MYZAP: variants seen among roughly 807,000 people sequenced by gnomAD.
The protein encoded by MYZAP is GRINL1A complex locus upstream.
A neutral mutation model predicts 69.4 loss-of-function variants in MYZAP; 66 were observed. That is an observed-to-expected ratio of 0.95 (90% CI 0.78 to 1.17). MYZAP has a LOEUF of 1.17. Among genes scored for constraint, MYZAP ranks in the 50% most tolerant of loss-of-function variants. The probability of loss-of-function intolerance (pLI) is 0.00; values close to 1 mark genes in which losing one functional copy is unlikely to be tolerated. For missense variants in MYZAP, 611 were observed against 556.2 expected (o/e 1.10, Z -0.99); for synonymous variants, 256 against 205.9 (o/e 1.24, Z -2.09).
At chr15:57,647,059 G>T in intron 10 of MYZAP, 1 of 985,350 alleles carries the variant, frequency 1.0e-6, no homozygotes, top group African/African-American at 1.7e-5. Context: ...GAGTGAGTGC[G>T]TTCAGAGGCC....
chr15:57,611,013 A>G (rs1567204560), intron 2 of MYZAP, among the ~76,000 whole-genome samples: 1 of 152,170 alleles, frequency 6.6e-6, no homozygotes, highest in Admixed American at 6.5e-5. Flanking sequence ...ACTCATTCAG[A>G]TAGACATGTA....
chr15:57,647,178 C>G (rs1305577489), intron 10 of MYZAP: 3 of 985,296 alleles, frequency 3.0e-6, no homozygotes, highest in Non-Finnish European at 3.6e-6. Flanking sequence ...CATTTAGATG[C>G]TTCTACCCAG....
chr15:57,621,764 T>C, intron 4 of MYZAP, 64 bp downstream of exon 4: 2 of 1,494,026 alleles, frequency 1.3e-6, no homozygotes, highest in Non-Finnish European at 1.9e-6. Context: ...GGTCCCTCAG[T>C]GGCTAGTGCC....
chr15:57,684,577 C>G lies in MYZAP; in HGVS notation c.*79C>G, dbSNP rs2039603250. 2 of 886,472 alleles carry G rather than the reference C, an allele frequency of 2.3e-6. No individual in the cohort carries two copies. Among genetic ancestry groups the G allele is most frequent in the Non-Finnish European group, 3.6e-6 (2 of 550,358 alleles). 54.9% of individuals were successfully genotyped at this position (886,472 alleles called of 1,614,324 possible). A position where few individuals can be genotyped will look rare whatever the true frequency, so the allele number is the denominator to read the frequency against. On this transcript the variant is annotated 3_prime_UTR_variant, in exon 13 of 13. Transcript: ENST00000267853. ...GCTTCAAATCCTTTGGGAAGGGTGA[C>G]TGTTGTTTCCCCTACACACAGTGTA...
chr15:57,622,014 G>A (rs2035850804), intron 4 of MYZAP, among the ~76,000 whole-genome samples: 1 of 151,988 alleles, frequency 6.6e-6, no homozygotes, highest in Admixed American at 6.6e-5. Flanking sequence ...TAAACATATA[G>A]GTTTAAACAT....
intron 12 of MYZAP, among the ~76,000 whole-genome samples, chr15:57,675,336 C>T (rs187069750): frequency 3.2e-4 from 48 of 152,192 alleles, no homozygotes; most frequent in Admixed American, 1.2e-3. Flanking sequence ...TTCCTTCCTT[C>T]CTTCCTTCAT....
At chr15:57,683,957 G>C in intron 12 of MYZAP, among the ~76,000 whole-genome samples, 1 of 152,170 alleles carries the variant, frequency 6.6e-6, no homozygotes, top group Non-Finnish European at 1.5e-5. Flanking sequence ...ATCATGCCCA[G>C]CTAATTTTGT....
At chr15:57,605,507 A>G (rs2034685177) in intron 2 of MYZAP, among the ~76,000 whole-genome samples, 1 of 152,202 alleles carries the variant, frequency 6.6e-6, no homozygotes, top group Non-Finnish European at 1.5e-5. Flanking sequence ...TCGATGGCTA[A>G]GTGTTTGATA....
intron 11 of MYZAP, among the ~76,000 whole-genome samples, chr15:57,673,093 T>C (rs756979277): frequency 2.0e-5 from 3 of 152,226 alleles, no homozygotes; most frequent in Non-Finnish European, 4.4e-5. Flanking sequence ...TATATTCTCA[T>C]GAGTATACAT....
chr15:57,663,081 C>T (rs769532518), intron 11 of MYZAP, among the ~76,000 whole-genome samples: 1 of 152,172 alleles, frequency 6.6e-6, no homozygotes, highest in Non-Finnish European at 1.5e-5. Flanking sequence ...AGGAAGCACA[C>T]CTTCCCCAGT....
chr15:57,600,018 A>G (rs914859239), intron 1 of MYZAP, among the ~76,000 whole-genome samples: 1 of 152,180 alleles, frequency 6.6e-6, no homozygotes, highest in African/African-American at 2.4e-5. Context: ...ATATCTTAAC[A>G]TCGTTGCCAC....
intron 6 of MYZAP, 77 bp from the exon 7 acceptor site, chr15:57,632,357 C>A: frequency 6.3e-7 from 1 of 1,596,306 alleles, no homozygotes; most frequent in African/African-American, 1.3e-5. Context: ...TGAGTCCCCA[C>A]ATGAAATGTG....
intron 12 of MYZAP, among the ~76,000 whole-genome samples, chr15:57,677,210 G>A (rs1478125083): frequency 1.3e-5 from 2 of 152,348 alleles, no homozygotes; most frequent in South Asian, 2.1e-4. Context: ...GAGGGTTAGT[G>A]AGCGGCTGGA....
At chr15:57,677,194 G>A (rs544337208) in intron 12 of MYZAP, among the ~76,000 whole-genome samples, 73 of 152,312 alleles carry the variant, frequency 4.8e-4, no homozygotes, top group African/African-American at 1.6e-3. Context: ...TGCCCGGGGG[G>A]ATGAGGAGGG....
At chr15:57,625,234 T>A (rs1018657073) in intron 4 of MYZAP, among the ~76,000 whole-genome samples, 8 of 152,038 alleles carry the variant, frequency 5.3e-5, no homozygotes, top group African/African-American at 1.9e-4. Flanking sequence ...TCACCATGCC[T>A]GGCTAATTTT....
intron 8 of MYZAP, among the ~76,000 whole-genome samples, chr15:57,634,413 G>C (rs7181013): frequency 0.67 from 101,912 of 151,998 alleles, 34,510 homozygotes; most frequent in East Asian, 0.87. Context: ...TCTGTGGCTG[G>C]TTTCTGGGAA....
intron 10 of MYZAP, chr15:57,646,212 G>A: frequency 2.2e-5 from 29 of 1,289,314 alleles, no homozygotes; most frequent in Non-Finnish European, 2.7e-5. Context: ...CCTGCTCTGG[G>A]TTGGAAGCGA....
intron 9 of MYZAP, among the ~76,000 whole-genome samples, chr15:57,638,459 C>T (rs1295709611): frequency 6.6e-6 from 1 of 152,086 alleles, no homozygotes; most frequent in African/African-American, 2.4e-5. Context: ...TTGCTGCCTG[C>T]CAAATAGTAC....
At chr15:57,592,199 G>C in intron 1 of MYZAP, 90 bp downstream of exon 1, 1 of 1,151,862 alleles carries the variant, frequency 8.7e-7, no homozygotes, top group South Asian at 3.4e-5. Flanking sequence ...AAGCTCGGGA[G>C]CCAGCACCTG....
Sources: gnomAD v4.1 joint callset for allele counts (sites outside exome capture counted in the v4.1 genomes callset) on GRCh38, gnomAD v4.1.1 for gene constraint, MANE v1.5 for transcripts, NCBI Gene and HGNC (gene_info 2026-07-23, HGNC 2026-07-21) for gene names.